Variants in GCFC2 observed in about 807,000 individuals in gnomAD.
GCFC2 encodes the protein GC-rich sequence DNA-binding factor 2, also known as intron Large complex component GCFC2.
Under a neutral mutation model 99.4 loss-of-function variants are expected in GCFC2, and 102 were observed. The ratio of observed to expected loss-of-function variants is 1.03; its 90% CI spans 0.87 to 1.21. The LOEUF is 1.21. Among genes scored for constraint, GCFC2 ranks in the 50% most tolerant of loss-of-function variants. GCFC2 has a pLI of 0.00. For synonymous variants in GCFC2, 338 were observed against 316.8 expected (o/e 1.07, Z -0.71); for missense variants, 973 against 920.9 (o/e 1.06, Z -0.73).
At chr2:75,682,334 G>T (rs1247990713) in intron 11 of GCFC2, among the ~76,000 whole-genome samples, 1 of 151,898 alleles carries the variant, frequency 6.6e-6, no homozygotes, top group Non-Finnish European at 1.5e-5. Context: ...GCAAACTCCA[G>T]CAGACCTACA....
At chr2:75,669,805 A>T (rs1272459767) in intron 15 of GCFC2, among the ~76,000 whole-genome samples, 1 of 152,068 alleles carries the variant, frequency 6.6e-6, no homozygotes, top group Admixed American at 6.5e-5. Flanking sequence ...GCTCACTGCA[A>T]CGTCTGCCTC....
At chr2:75,665,749 T>G (rs184476094) in intron 16 of GCFC2, among the ~76,000 whole-genome samples, 180 bp downstream of exon 16, 248 of 152,336 alleles carry the variant, frequency 1.6e-3, no homozygotes, top group Middle Eastern at 3.4e-3. Context: ...GAGATTTACA[T>G]TTTAAAATAT....
intron 7 of GCFC2, 26 bp downstream of exon 7, chr2:75,691,951 T>C: frequency 6.9e-6 from 9 of 1,295,816 alleles, no homozygotes; most frequent in Non-Finnish European, 9.4e-6. Context: ...GAATAATAAA[T>C]TGTATGGAAC....
chr2:75,670,342 C>T, intron 14 of GCFC2, 58 bp from the exon 15 acceptor site: 2 of 1,199,078 alleles, frequency 1.7e-6, no homozygotes, highest in African/African-American at 1.5e-5. Context: ...CTGTAATAGT[C>T]TCTAACAAAC....
upstream of GCFC2, among the ~76,000 whole-genome samples, chr2:75,712,691 T>C: frequency 6.6e-6 from 1 of 152,084 alleles, no homozygotes; most frequent in East Asian, 1.9e-4. Context: ...ACCGTGAAGA[T>C]CTGCAGCTTC....
Position 75,710,576 on chromosome 2 carries a change from C to T in GCFC2, c.265+15G>A. 1.3e-6 allele frequency: 2 copies of T among 1,491,008 alleles called. No homozygotes were observed. The highest frequency in any genetic ancestry group is 1.8e-6 in the Non-Finnish European group (2 of 1,127,110). 92.4% of individuals were successfully genotyped at this position (1,491,008 alleles called of 1,614,324 possible). ...GTGCCGTCACCTCCCCGCTTCCCCG[C>T]GTCTCCCTGGACACCTGAGCCTTCG... On this transcript the variant is annotated intron_variant, in intron 1 of 16. Transcript: ENST00000321027.
At chr2:75,694,569 C>T in intron 5 of GCFC2, 142 bp from the exon 6 acceptor site, 1 of 391,886 alleles carries the variant, frequency 2.6e-6, no homozygotes. Flanking sequence ...AAGAACACCA[C>T]AATAAAAGGA....
chr2:75,683,119 A>G (rs1343029490), intron 11 of GCFC2, among the ~76,000 whole-genome samples: 1 of 151,824 alleles, frequency 6.6e-6, no homozygotes, highest in Non-Finnish European at 1.5e-5. Flanking sequence ...CCTCGAGAAG[A>G]GCAACCCCAA....
intron 11 of GCFC2, 88 bp downstream of exon 11, chr2:75,687,739 A>G: frequency 9.7e-7 from 1 of 1,035,690 alleles, no homozygotes; most frequent in Non-Finnish European, 1.5e-6. Context: ...AAAACTTATG[A>G]AAAAACTTTG....
upstream of GCFC2, among the ~76,000 whole-genome samples, chr2:75,712,809 G>T (rs4853172): frequency 6.6e-6 from 1 of 151,746 alleles, no homozygotes; most frequent in Non-Finnish European, 1.5e-5. Flanking sequence ...GAGCTGTAAC[G>T]CTCACCGCGA....
chr2:75,696,910 C>T (rs1011338329), intron 4 of GCFC2, among the ~76,000 whole-genome samples: 4 of 152,004 alleles, frequency 2.6e-5, no homozygotes, highest in Admixed American at 6.6e-5. Flanking sequence ...CTCAGCCTCC[C>T]GAGTAGCTGG....
intron 2 of GCFC2, among the ~76,000 whole-genome samples, chr2:75,705,836 TA>T (rs1197886497): frequency 6.6e-6 from 1 of 152,126 alleles, no homozygotes; most frequent in African/African-American, 2.4e-5. Context: ...GCCAGATAAA[TA>T]TTTTTCACTT....
In GCFC2 at chr2:75,696,220, T is replaced by C; in HGVS notation, c.813A>G (p.Ile271Met). Residue 271 changes from isoleucine (I) to methionine (M), a missense_variant, in exon 5 of 17, where the codon ATA becomes ATG. Coordinates refer to ENST00000321027, the MANE Select transcript of GCFC2 (RefSeq NM_003203.5). ...ISFPPVNLEI[I>M]KKQLNTRLTL... The stretch of plus-strand genomic sequence containing the variant: ...CTCACCTAGTATTTAATTGCTTCTT[T>C]ATAATTTCTAAATTTACTGGCGGAA... The C allele has an allele frequency of 7.4e-7, 1 of 1,350,514 alleles. No individual in the cohort carries two copies. The highest frequency in any genetic ancestry group is 1.1e-6 in the Non-Finnish European group (1 of 942,522). 83.7% of individuals were successfully genotyped at this position (1,350,514 alleles called of 1,614,324 possible).
intron 2 of GCFC2, among the ~76,000 whole-genome samples, chr2:75,705,705 TATA>T (rs893416684): frequency 2.6e-5 from 4 of 151,706 alleles, no homozygotes; most frequent in African/African-American, 9.7e-5. Flanking sequence ...TTTATTTCAA[TATA>T]ATTTGTTTCC....
chr2:75,701,156 G>A (rs757679212), intron 4 of GCFC2, 34 bp downstream of exon 4: 2 of 1,088,366 alleles, frequency 1.8e-6, no homozygotes, highest in Non-Finnish European at 1.4e-6. Flanking sequence ...AGCAGCCACA[G>A]GAATCTAATA....
Position 75,671,943 on chromosome 2 carries a change from TG to T in GCFC2, c.1956+6del. The T allele has an allele frequency of 6.6e-7, 1 of 1,526,596 alleles. No homozygotes were observed. The highest frequency in any genetic ancestry group is 9.1e-7 in the Non-Finnish European group (1 of 1,104,116). 94.6% of individuals were successfully genotyped at this position (1,526,596 alleles called of 1,614,324 possible). A position where few individuals can be genotyped will look rare whatever the true frequency, so the allele number is the denominator to read the frequency against. ...ATTGCCTTTTCATTTTTGCAGTTTT[TG>T]CTCACCTTTAGGCCTGACCAGAACT... On this transcript the variant is annotated splice_donor_region_variant and intron_variant, in intron 14 of 16. Transcript: ENST00000321027.
chr2:75,701,955 C>T, intron 3 of GCFC2: 2 of 1,249,664 alleles, frequency 1.6e-6, no homozygotes, highest in East Asian at 3.4e-5. Context: ...TTTTTTTAAC[C>T]TGTCCAAAAA....
intron 4 of GCFC2, chr2:75,697,552 G>A (rs903693856): frequency 2.0e-5 from 3 of 152,258 alleles, no homozygotes; most frequent in African/African-American, 7.2e-5. Flanking sequence ...CACAGCACCT[G>A]TAGGATTTCA....
In GCFC2 at chr2:75,686,445, T is replaced by C. The variant is rs143676244; in HGVS notation, c.1690+1382A>G. Among the ~76,000 whole-genome samples the C allele has an allele frequency of 5.3e-3, 800 of 152,242 alleles. 5 individuals are homozygous for C. The highest frequency in any genetic ancestry group is 0.015 in the South Asian group (74 of 4,820). The stretch of plus-strand genomic sequence containing the variant: ...GCCTAAGAAGCAATTATAAGGCTAA[T>C]TGCTTCCAACTTCTAGGCTGGGCAT... On this transcript the variant is annotated intron_variant, in intron 11 of 16. Transcript: ENST00000321027.
Sources: allele counts gnomAD v4.1 joint callset (sites outside exome capture counted in the v4.1 genomes callset), GRCh38; gene constraint gnomAD v4.1.1; transcripts MANE v1.5; gene names NCBI Gene and HGNC (gene_info 2026-07-23, HGNC 2026-07-21).